The following CACNA1E variants were observed in gnomAD, a reference collection of about 807,000 sequenced individuals.
CACNA1E encodes voltage-dependent R-type calcium channel subunit alpha-1E.
A neutral mutation model predicts 259.2 loss-of-function variants in CACNA1E; 40 were observed. The ratio of observed to expected loss-of-function variants is 0.15; its 90% CI spans 0.12 to 0.20. CACNA1E has a LOEUF of 0.20. CACNA1E is among the 10% of genes least tolerant of loss of function. CACNA1E has a pLI of 1.00. For synonymous variants in CACNA1E, 1,104 were observed against 1,138.5 expected (o/e 0.97, Z 0.61); for missense variants, 1,874 against 3,040.1 (o/e 0.62, Z 9.02).
In CACNA1E at chr1:181,490,102, C is replaced by A. The variant is rs552490042; in HGVS notation, c.266+6092C>A. Among the ~76,000 whole-genome samples the A allele has an allele frequency of 8.5e-5, 13 of 152,294 alleles. No individual in the cohort carries two copies. In the East Asian group the frequency reaches 2.5e-3, roughly 29 times the overall value. ...GATGTTTATGGTGTATCTTTGCTCA[C>A]TGAGCACCCCAAATATGTTTCCTTA... On this transcript the variant is annotated intron_variant, in intron 1 of 47. Transcript: ENST00000367573.
chr1:181,563,356 TGAAA>T (rs914621605), intron 3 of CACNA1E, among the ~76,000 whole-genome samples: 9 of 152,190 alleles, frequency 5.9e-5, no homozygotes, highest in Non-Finnish European at 8.8e-5. Context: ...GTGACTTGCC[TGAAA>T]GAGTTATTTG....
intron 3 of CACNA1E, among the ~76,000 whole-genome samples, chr1:181,570,099 G>C (rs1204256895): frequency 6.6e-6 from 1 of 151,980 alleles, no homozygotes; most frequent in Non-Finnish European, 1.5e-5. Context: ...TAAGGAAACT[G>C]ATATATTATT....
At chr1:181,678,307 A>C (rs1649577386) in intron 7 of CACNA1E, among the ~76,000 whole-genome samples, 1 of 152,200 alleles carries the variant, frequency 6.6e-6, no homozygotes, top group African/African-American at 2.4e-5. Context: ...ATCAGGATGC[A>C]TGTTATTTTT....
intron 45 of CACNA1E, 52 bp downstream of exon 45, chr1:181,793,845 G>A: frequency 6.4e-7 from 1 of 1,573,498 alleles, no homozygotes. Context: ...TGTATTAGCT[G>A]GGTTATGGAA....
chr1:181,377,432 T>C (rs1655179845), intron 1 of CACNA1E, among the ~76,000 whole-genome samples: 1 of 152,178 alleles, frequency 6.6e-6, no homozygotes, highest in Non-Finnish European at 1.5e-5. Context: ...TTTGTGGTGG[T>C]AGAGAGATGT....
At chr1:181,379,385 A>G (rs1655312725) in intron 1 of CACNA1E, among the ~76,000 whole-genome samples, 1 of 152,252 alleles carries the variant, frequency 6.6e-6, no homozygotes, top group Non-Finnish European at 1.5e-5. Context: ...CAAAAGAAAC[A>G]TGAAGAAAAC....
intron 3 of CACNA1E, among the ~76,000 whole-genome samples, chr1:181,512,938 G>GTGC (rs1666270732): frequency 6.6e-6 from 1 of 152,172 alleles, no homozygotes; most frequent in Non-Finnish European, 1.5e-5. Context: ...TAAATAATAT[G>GTGC]TGCTGTATTA....
intron 7 of CACNA1E, among the ~76,000 whole-genome samples, chr1:181,686,279 T>A (rs1171831086): frequency 8.4e-6 from 1 of 118,932 alleles, no homozygotes; most frequent in African/African-American, 3.4e-5. Flanking sequence ...AACCAAGTTT[T>A]TTTTTTTTTT....
At position 181,798,990 on chromosome 1, in the gene CACNA1E, A is replaced by T; in HGVS notation, c.*156A>T. On this transcript the variant is annotated 3_prime_UTR_variant, in exon 48 of 48. Transcript: ENST00000367573. This position sits in a 1 kb window ranked among gnomAD's most constrained non-coding sequence, Gnocchi z 4.2. ...GAAGAGGAAGTAAAGGACAATCAGA[A>T]CACCAGTCAAACCCACCAAATTGCT... The T allele has an allele frequency of 1.6e-6, 1 of 639,940 alleles. No homozygotes were observed. Among genetic ancestry groups the T allele is most frequent in the Non-Finnish European group, 2.4e-6 (1 of 409,496 alleles). 39.6% of individuals were successfully genotyped at this position (639,940 alleles called of 1,614,324 possible).
chr1:181,675,039 C>T (rs1208022210), intron 7 of CACNA1E, among the ~76,000 whole-genome samples: 1 of 152,162 alleles, frequency 6.6e-6, no homozygotes, highest in Non-Finnish European at 1.5e-5. Flanking sequence ...TGGGGATTTC[C>T]TTTCCTTTTG....
intron 6 of CACNA1E, among the ~76,000 whole-genome samples, chr1:181,634,187 A>T (rs1016854713): frequency 6.6e-6 from 1 of 152,152 alleles, no homozygotes; most frequent in Admixed American, 6.5e-5. Context: ...CTCTAAGCTC[A>T]CTTTGCTCTT....
intron 38 of CACNA1E, among the ~76,000 whole-genome samples, chr1:181,780,960 ACC>A (rs929037852): frequency 6.6e-6 from 1 of 152,092 alleles, no homozygotes; most frequent in African/African-American, 2.4e-5. Context: ...AGAAACTCCA[ACC>A]CATGGCTGGA....
At chr1:181,436,412 C>T (rs1660090453) in intron 2 of CACNA1E, among the ~76,000 whole-genome samples, 1 of 152,132 alleles carries the variant, frequency 6.6e-6, no homozygotes, top group Non-Finnish European at 1.5e-5. Context: ...ATCCACACTC[C>T]CATGTTCATT....
intron 6 of CACNA1E, among the ~76,000 whole-genome samples, chr1:181,623,094 A>T (rs1655872246): frequency 6.6e-6 from 1 of 152,210 alleles, no homozygotes; most frequent in South Asian, 2.1e-4. Context: ...ATTGAAGTCC[A>T]TTTGGTCATT....
At chr1:181,571,512 C>G (rs1396732893) in intron 3 of CACNA1E, among the ~76,000 whole-genome samples, 1 of 152,152 alleles carries the variant, frequency 6.6e-6, no homozygotes, top group Non-Finnish European at 1.5e-5. Flanking sequence ...ATAAAGGAAC[C>G]AACCACGTAT....
chr1:181,612,357 C>A (rs1654827595), intron 6 of CACNA1E, among the ~76,000 whole-genome samples: 1 of 152,206 alleles, frequency 6.6e-6, no homozygotes, highest in Admixed American at 6.5e-5. Context: ...AGGAGGCTTG[C>A]CTGTGAGAGG....
chr1:181,766,229 A>G (rs944966770), intron 34 of CACNA1E, among the ~76,000 whole-genome samples: 17 of 152,206 alleles, frequency 1.1e-4, no homozygotes, highest in African/African-American at 4.1e-4. Context: ...TCTGCATGGC[A>G]AGTGGGATGA....
chr1:181,404,296 T>C (rs1393169425), intron 1 of CACNA1E, among the ~76,000 whole-genome samples: 1 of 152,226 alleles, frequency 6.6e-6, no homozygotes, highest in Non-Finnish European at 1.5e-5. Flanking sequence ...ATTGTAATTG[T>C]TGGTCTAATC....
chr1:181,785,603 A>G, intron 42 of CACNA1E, 110 bp from the exon 43 acceptor site: 1 of 928,488 alleles, frequency 1.1e-6, no homozygotes, highest in Non-Finnish European at 1.8e-6. Context: ...TAAAATGGTC[A>G]AACAAGGGAT....
Sources: allele counts gnomAD v4.1 joint callset (sites outside exome capture counted in the v4.1 genomes callset), GRCh38; gene constraint gnomAD v4.1.1; non-coding constraint Gnocchi (gnomAD v3.1); transcripts MANE v1.5; gene names NCBI Gene and HGNC (gene_info 2026-07-23, HGNC 2026-07-21).